The following UCHL5 variants were observed in gnomAD, a reference collection of about 807,000 sequenced individuals.
The protein encoded by UCHL5 is ubiquitin C-terminal hydrolase L5, also known as ubiquitin carboxyl-terminal hydrolase isozyme L5.
In UCHL5, 34 loss-of-function variants were observed where a neutral mutation model predicts 53.8. The observed-to-expected ratio is 0.63, with a 90% CI of 0.48 to 0.84. The LOEUF (loss-of-function observed/expected upper bound fraction) is 0.84, where lower values mean the gene tolerates loss of function less well. Among genes scored for constraint, UCHL5 ranks in the 40% least tolerant of loss-of-function variants. The probability of loss-of-function intolerance (pLI) is 0.00; values close to 1 mark genes in which losing one functional copy is unlikely to be tolerated. For synonymous variants in UCHL5, 111 were observed against 126.3 expected (o/e 0.88, Z 0.81); for missense variants, 290 against 385.6 (o/e 0.75, Z 2.08).
chr1:193,039,689 A>C (rs1254237632), intron 3 of UCHL5, among the ~76,000 whole-genome samples: 1 of 152,240 alleles, frequency 6.6e-6, no homozygotes, highest in Non-Finnish European at 1.5e-5. Flanking sequence ...AGATGGCCAA[A>C]GCAATCCTGA....
intron 3 of UCHL5, among the ~76,000 whole-genome samples, chr1:193,040,439 A>C (rs889999969): frequency 6.6e-6 from 1 of 152,226 alleles, no homozygotes; most frequent in Non-Finnish European, 1.5e-5. Flanking sequence ...TCAAAACCGC[A>C]ATGTTATCAT....
intron 7 of UCHL5, among the ~76,000 whole-genome samples, chr1:193,025,971 G>A (rs1022424589): frequency 3.3e-5 from 5 of 151,778 alleles, no homozygotes; most frequent in African/African-American, 1.2e-4. Context: ...ACAGACTAGT[G>A]AGCCCAGAAA....
Position 193,028,079 on chromosome 1 carries a change from A to ATT in UCHL5, c.629+4_629+5dup. On this transcript the variant is annotated splice_donor_region_variant and intron_variant, in intron 7 of 10. Transcript: ENST00000367454. Reference sequence around the variant, plus strand: ...ATTATGCCAATGAGATTAGCTGAGCATTTACTTTTGTATCCTTTTTTCTAT... The same window carrying ATT: ...ATTATGCCAATGAGATTAGCTGAGCATTTTTACTTTTGTATCCTTTTTTCTAT... 2 of 1,604,152 alleles carry ATT rather than the reference A, an allele frequency of 1.2e-6. No homozygotes were observed. The highest frequency in any genetic ancestry group is 2.7e-5 in the African/African-American group (2 of 74,276).
intron 5 of UCHL5, 37 bp downstream of exon 5, chr1:193,029,351 A>C: frequency 6.2e-7 from 1 of 1,613,260 alleles, no homozygotes; most frequent in Non-Finnish European, 8.5e-7. Flanking sequence ...AGAAGCAAAG[A>C]AAGAAACAGT....
chr1:193,049,621 G>A, intron 3 of UCHL5, 125 bp downstream of exon 3: 1 of 590,914 alleles, frequency 1.7e-6, no homozygotes, highest in African/African-American at 1.9e-5. Context: ...AATTGGAGAT[G>A]TCAATAATTT....
intron 1 of UCHL5, among the ~76,000 whole-genome samples, chr1:193,055,822 A>G: frequency 6.6e-6 from 1 of 152,230 alleles, no homozygotes; most frequent in East Asian, 1.9e-4. Context: ...TAAGTTAATG[A>G]TGGATATAGG....
At chr1:193,022,850 A>G (rs1008103987) in intron 9 of UCHL5, 76 bp downstream of exon 9, 2 of 974,566 alleles carry the variant, frequency 2.1e-6, no homozygotes, top group Non-Finnish European at 3.2e-6. Flanking sequence ...AAGCCATCAG[A>G]TATTCAATGT....
upstream of UCHL5, chr1:193,059,615 C>G (rs1253944427): frequency 3.5e-6 from 5 of 1,426,610 alleles, no homozygotes; most frequent in Non-Finnish European, 4.7e-6. The surrounding 1 kb of genome is among the most constrained non-coding windows in gnomAD (Gnocchi z 4.9). Context: ...GGGCAGGACT[C>G]GTTCCCGGGA....
rs780856989 is a variant in UCHL5 at position 193,029,435 on chromosome 1, T to C, written c.387A>G (p.Ala129=). ...GTCGAATCACATCTGAATTGCTCAG[T>C]GCCAAGCCTTTCATCTAAAATAATT... ...QSFDAAMKGL[A]LSNSDVIRQV... is the part of the protein sequence containing the mutation. Residue 129 remains alanine (A), a synonymous_variant, in exon 5 of 11, where the codon GCA becomes GCG. Coordinates refer to ENST00000367454, the MANE Select transcript of UCHL5 (RefSeq NM_001199261.3). 1 of 1,613,610 alleles carries C rather than the reference T, an allele frequency of 6.2e-7. No individual in the cohort carries two copies. Among genetic ancestry groups the C allele is most frequent in the Non-Finnish European group, 8.5e-7 (1 of 1,179,870 alleles).
intron 3 of UCHL5, among the ~76,000 whole-genome samples, chr1:193,046,327 G>A (rs75644957): frequency 0.013 from 1,955 of 152,098 alleles, 42 homozygotes; most frequent in African/African-American, 0.043. Context: ...CACCATGCCC[G>A]ACCAGATTAT....
chr1:193,053,474 T>C (rs1013622388), intron 1 of UCHL5, among the ~76,000 whole-genome samples: 1 of 152,234 alleles, frequency 6.6e-6, no homozygotes, highest in Non-Finnish European at 1.5e-5. Context: ...GTATTCAATT[T>C]AGCATCTATC....
At chr1:193,020,635 T>A (rs1393041511) in intron 10 of UCHL5, among the ~76,000 whole-genome samples, 2 of 151,952 alleles carry the variant, frequency 1.3e-5, no homozygotes, top group Non-Finnish European at 2.9e-5. Context: ...TAACTTATGC[T>A]AGTTTTCCCT....
chr1:193,045,998 T>A (rs1379433589), intron 3 of UCHL5, among the ~76,000 whole-genome samples: 5 of 150,886 alleles, frequency 3.3e-5, no homozygotes, highest in Admixed American at 6.6e-5. Context: ...TAATGATATA[T>A]AAGCACAAAA....
chr1:193,033,448 G>A (rs1341197282), intron 3 of UCHL5, among the ~76,000 whole-genome samples: 1 of 152,032 alleles, frequency 6.6e-6, no homozygotes, highest in Non-Finnish European at 1.5e-5. Context: ...GATCAGTGCA[G>A]TAAACGACCA....
At chr1:193,059,544 G>A (rs747643089), upstream of UCHL5, 12 of 1,543,978 alleles carry the variant, frequency 7.8e-6, no homozygotes, top group Middle Eastern at 3.4e-4. The surrounding 1 kb of genome is among the most constrained non-coding windows in gnomAD (Gnocchi z 4.9). Context: ...GATTCACAGC[G>A]CCGAGGAGGC....
intron 3 of UCHL5, among the ~76,000 whole-genome samples, chr1:193,045,124 A>G (rs1323713550): frequency 1.3e-5 from 2 of 152,216 alleles, no homozygotes. Context: ...TAGTGTTAGT[A>G]AATTCTAGCA....
At position 193,012,888 on chromosome 1, in the gene UCHL5, C is replaced by A. The variant is rs1331847063; in HGVS notation, c.*3463G>T. 6.6e-6 allele frequency: 1 copy of A among 152,030 alleles called. No homozygotes were observed. The highest frequency in any genetic ancestry group is 2.4e-5 in the African/African-American group (1 of 41,378). The allele number at this position is 152,030 out of a possible 1,614,324, so 9.4% of individuals were successfully genotyped here. On this transcript the variant is annotated 3_prime_UTR_variant, in exon 11 of 11. Coordinates refer to ENST00000367454, the MANE Select transcript of UCHL5 (RefSeq NM_001199261.3). ...TTTCAAAAAGTTAATGTAATCAAGT[C>A]AAAAATAAAAAGTGCCCAGTATGCT...
At chr1:193,050,332 T>C (rs1437928808) in intron 2 of UCHL5, among the ~76,000 whole-genome samples, 1 of 152,186 alleles carries the variant, frequency 6.6e-6, no homozygotes, top group South Asian at 2.1e-4. Flanking sequence ...AATGAAATCA[T>C]CCACTTTCCT....
At chr1:193,018,688 C>A in intron 10 of UCHL5, 1 of 1,307,696 alleles carries the variant, frequency 7.6e-7, no homozygotes, top group Non-Finnish European at 9.8e-7. Context: ...AGATTATAGG[C>A]AACTGCCTCA....
Sources: gnomAD v4.1 joint callset for allele counts (sites outside exome capture counted in the v4.1 genomes callset) on GRCh38, gnomAD v4.1.1 for gene constraint, Gnocchi (gnomAD v3.1) non-coding constraint, MANE v1.5 for transcripts, NCBI Gene and HGNC (gene_info 2026-07-23, HGNC 2026-07-21) for gene names.